The following ARHGAP8 variants were observed in gnomAD, a reference collection of about 807,000 sequenced individuals.
ARHGAP8 encodes rho GTPase-activating protein 8.
A neutral mutation model predicts 46.1 loss-of-function variants in ARHGAP8; 62 were observed. The ratio of observed to expected loss-of-function variants is 1.34; its 90% CI spans 1.10 to 1.66. The LOEUF (loss-of-function observed/expected upper bound fraction) is 1.66, where lower values mean the gene tolerates loss of function less well. Among genes scored for constraint, ARHGAP8 ranks in the 40% most tolerant of loss-of-function variants. The pLI, the probability that ARHGAP8 is intolerant of heterozygous loss-of-function variation, is 0.00. For missense variants in ARHGAP8, 923 were observed against 568.4 expected (o/e 1.62, Z -6.34); for synonymous variants, 375 against 243.1 (o/e 1.54, Z -5.05).
chr22:44,839,082 G>A (rs994881073), intron 7 of ARHGAP8, among the ~76,000 whole-genome samples: 5 of 152,166 alleles, frequency 3.3e-5, no homozygotes, highest in African/African-American at 9.7e-5. Flanking sequence ...AACCAGAGAG[G>A]AGGAAAAGAG....
chr22:44,860,902 C>T (rs2070447275), intron 11 of ARHGAP8, among the ~76,000 whole-genome samples: 1 of 152,200 alleles, frequency 6.6e-6, no homozygotes. Context: ...GCGTCACATC[C>T]CAGAGTCTGT....
chr22:44,832,731 C>T (rs1931030052), intron 7 of ARHGAP8, among the ~76,000 whole-genome samples: 1 of 152,072 alleles, frequency 6.6e-6, no homozygotes, highest in Non-Finnish European at 1.5e-5. Context: ...CCTTTTCAAC[C>T]TATTGCCTTT....
intron 7 of ARHGAP8, 90 bp from the exon 8 acceptor site, chr22:44,845,179 C>T: frequency 1.3e-6 from 2 of 1,516,806 alleles, no homozygotes; most frequent in Non-Finnish European, 1.8e-6. Flanking sequence ...TGTGTTTTCA[C>T]AGGGGTGTGG....
rs747124155 is a variant in ARHGAP8, at chr22:44,786,475, C to T, written c.-53C>T. 24 of 1,601,506 alleles carry T rather than the reference C, an allele frequency of 1.5e-5. No individual in the cohort carries two copies. The highest frequency in any genetic ancestry group is 2.3e-5 in the East Asian group (1 of 44,320). On this transcript the variant is annotated 5_prime_UTR_variant, in exon 2 of 12. Coordinates refer to ENST00000356099, the MANE Select transcript of ARHGAP8 (RefSeq NM_181335.3). ...GCCGCAGAGCTGCAGAGAGACAAGG[C>T]GGCGGCGGCTGCTGTGCTGGGTGCA... is the stretch of plus-strand genomic sequence containing the variant.
intron 1 of ARHGAP8, chr22:44,777,219 C>T (rs1926492576): frequency 6.6e-6 from 1 of 152,160 alleles, no homozygotes; most frequent in Admixed American, 6.5e-5. Context: ...GTTGGAGCAG[C>T]CTCTGTTATG....
Position 44,849,087 on chromosome 22 carries a change from G to T in ARHGAP8, c.877+27G>T, listed in dbSNP as rs6007319. 2.2e-3 allele frequency: 3,512 copies of T among 1,611,608 alleles called. 45 individuals are homozygous for T. The African/African-American group carries it at 0.035, about 16-fold the overall frequency. On this transcript the variant is annotated intron_variant, in intron 10 of 11. Coordinates refer to ENST00000356099, the MANE Select transcript of ARHGAP8 (RefSeq NM_181335.3). ...TGCGTAGCTGCCCTGGCGCAGGGGT[G>T]GGGGGCTTGGTCCTCAGATGCTGTC...
chr22:44,829,118 C>CAAAAAAAA (rs57906111), intron 7 of ARHGAP8, among the ~76,000 whole-genome samples: 10 of 49,360 alleles, frequency 2.0e-4, no homozygotes, highest in East Asian at 1.5e-3. Flanking sequence ...ACTAAAAATA[C>CAAAAAAAA]AAAAAAAAAA....
chr22:44,856,253 CCTTTTTTTTTTTTTTTTTTT>C (rs2070219960), intron 10 of ARHGAP8, among the ~76,000 whole-genome samples: 2 of 111,092 alleles, frequency 1.8e-5, no homozygotes, highest in African/African-American at 8.6e-5. Context: ...CTATAAATTC[CCTTTTTTTTTTTTTTTTTTT>C]TTTTTTTTTT....
Position 44,859,412 on chromosome 22 carries a change from T to G in ARHGAP8, c.878-319T>G, listed in dbSNP as rs148804435. ...GTGATGCACCTCCTTCCTTTTTGCC[T>G]TCTGCCATAATTGGAAGCCTCCTGA... is the stretch of plus-strand genomic sequence containing the variant. On this transcript the variant is annotated intron_variant, in intron 10 of 11. Transcript: ENST00000356099. 5.8e-3 allele frequency among the ~76,000 whole-genome samples: 879 copies of G among 152,340 alleles called. 13 individuals carry two copies. Among genetic ancestry groups the G allele is most frequent in the East Asian group, 0.039 (201 of 5,182 alleles).
At chr22:44,776,463 A>G (rs5765977) in intron 1 of ARHGAP8, among the ~76,000 whole-genome samples, 25,981 of 143,182 alleles carry the variant, frequency 0.18, 2,497 homozygotes, top group Non-Finnish European at 0.23. Flanking sequence ...AAAAAAAAAG[A>G]AAAAAAAAAG....
At chr22:44,834,834 G>T (rs1209555830) in intron 7 of ARHGAP8, among the ~76,000 whole-genome samples, 2 of 41,650 alleles carry the variant, frequency 4.8e-5, no homozygotes, top group Non-Finnish European at 9.2e-5. Flanking sequence ...ATGAATCCTT[G>T]CATGATGATA....
intron 11 of ARHGAP8, among the ~76,000 whole-genome samples, chr22:44,861,709 A>C (rs1353586719): frequency 1.3e-5 from 2 of 151,946 alleles, no homozygotes; most frequent in African/African-American, 4.8e-5. Flanking sequence ...TGGCCACATG[A>C]CCTTGGGCAA....
chr22:44,855,321 C>A (rs1315282262), intron 10 of ARHGAP8, among the ~76,000 whole-genome samples: 3 of 151,874 alleles, frequency 2.0e-5, no homozygotes, highest in African/African-American at 7.3e-5. Flanking sequence ...ACTACCACAC[C>A]CAGCTAATTT....
chr22:44,860,088 CCAGTGA>C (rs940472212), intron 11 of ARHGAP8, among the ~76,000 whole-genome samples: 33 of 152,292 alleles, frequency 2.2e-4, no homozygotes, highest in Admixed American at 1.7e-3. Flanking sequence ...TCAGCCATTG[CCAGTGA>C]CTTTTGTTAT....
At chr22:44,827,941 G>A (rs1390594252) in intron 7 of ARHGAP8, among the ~76,000 whole-genome samples, 2 of 152,174 alleles carry the variant, frequency 1.3e-5, no homozygotes, top group African/African-American at 4.8e-5. Context: ...CTGTCAGGAT[G>A]GACGAGGTCT....
chr22:44,819,906 C>T (rs1460938952), intron 5 of ARHGAP8, among the ~76,000 whole-genome samples: 1 of 152,164 alleles, frequency 6.6e-6, no homozygotes, highest in Non-Finnish European at 1.5e-5. Flanking sequence ...CCTCATTCTG[C>T]CTCATGCCTG....
At chr22:44,821,927 C>CAAATG (rs1357168891) in intron 5 of ARHGAP8, among the ~76,000 whole-genome samples, 1 of 150,708 alleles carries the variant, frequency 6.6e-6, no homozygotes, top group East Asian at 1.9e-4. Context: ...AAGAGGTGGC[C>CAAATG]AAATGTGAAG....
At chr22:44,784,668 ATC>A (rs1927083965) in intron 1 of ARHGAP8, among the ~76,000 whole-genome samples, 1 of 152,110 alleles carries the variant, frequency 6.6e-6, no homozygotes, top group Admixed American at 6.5e-5. Flanking sequence ...TAACCCACTC[ATC>A]TCAGGATCCT....
chr22:44,771,716 G>A (rs1405548370), intron 1 of ARHGAP8, among the ~76,000 whole-genome samples: 4 of 146,152 alleles, frequency 2.7e-5, no homozygotes, highest in South Asian at 2.2e-4. Context: ...CAACACGCCT[G>A]GCTAATTTTT....
Sources: gnomAD v4.1 joint callset for allele counts (sites outside exome capture counted in the v4.1 genomes callset) on GRCh38, gnomAD v4.1.1 for gene constraint, MANE v1.5 for transcripts, NCBI Gene and HGNC (gene_info 2026-07-23, HGNC 2026-07-21) for gene names.